Variants in SNX29 observed in about 807,000 individuals in gnomAD.
SNX29 encodes sorting nexin 29.
In SNX29, 78 loss-of-function variants were observed where a neutral mutation model predicts 102.1. That is an observed-to-expected ratio of 0.76 (90% CI 0.64 to 0.92). The LOEUF (loss-of-function observed/expected upper bound fraction) is 0.92, where lower values mean the gene tolerates loss of function less well. SNX29 is among the 40% of genes least tolerant of loss of function. The probability of loss-of-function intolerance (pLI) is 0.00; values close to 1 mark genes in which losing one functional copy is unlikely to be tolerated. For synonymous variants in SNX29, 580 were observed against 414.5 expected (o/e 1.40, Z -4.85); for missense variants, 1,280 against 1,061.7 (o/e 1.21, Z -2.86).
intron 18 of SNX29, among the ~76,000 whole-genome samples, chr16:12,447,520 C>T (rs896907771): frequency 9.9e-5 from 15 of 152,150 alleles, no homozygotes; most frequent in South Asian, 6.2e-4. Flanking sequence ...AGAAACCACC[C>T]GGACAGAGCC....
At chr16:12,552,763 A>G (rs369659354) in intron 20 of SNX29, among the ~76,000 whole-genome samples, 11 of 152,352 alleles carry the variant, frequency 7.2e-5, no homozygotes, top group African/African-American at 2.6e-4. Context: ...GATTTAAGGT[A>G]TGAATTCATC....
intron 14 of SNX29, among the ~76,000 whole-genome samples, chr16:12,243,857 G>A (rs2078183930): frequency 6.6e-6 from 1 of 152,182 alleles, no homozygotes; most frequent in Admixed American, 6.5e-5. Flanking sequence ...GGTAATAACT[G>A]TTAAAACTTT....
chr16:12,081,131 A>T (rs767231073), intron 11 of SNX29: 4 of 152,238 alleles, frequency 2.6e-5, no homozygotes, highest in African/African-American at 9.6e-5. Flanking sequence ...GAAGGAAACT[A>T]TTACTAAGTG....
At chr16:11,999,857 C>T (rs187636581) in intron 2 of SNX29, among the ~76,000 whole-genome samples, 31 of 151,524 alleles carry the variant, frequency 2.0e-4, no homozygotes, top group Admixed American at 1.3e-3. Flanking sequence ...GCTGAGATTG[C>T]GCCACTGCAC....
chr16:12,254,641 T>C (rs1233776574), intron 14 of SNX29, among the ~76,000 whole-genome samples: 3 of 147,552 alleles, frequency 2.0e-5, no homozygotes, highest in African/African-American at 7.5e-5. Flanking sequence ...AGAGACTCCA[T>C]CTCCAAAAAA....
intron 14 of SNX29, among the ~76,000 whole-genome samples, chr16:12,270,001 C>T (rs1006829617): frequency 1.3e-5 from 2 of 152,030 alleles, no homozygotes; most frequent in Non-Finnish European, 2.9e-5. Flanking sequence ...GCTGGGACTG[C>T]AGGCACGCAC....
intron 7 of SNX29, among the ~76,000 whole-genome samples, chr16:12,049,214 C>T (rs139086464): frequency 3.4e-3 from 525 of 152,178 alleles, no homozygotes; most frequent in Non-Finnish European, 4.0e-3. Context: ...TCAGGCCGGT[C>T]GTGGTGGCTC....
At chr16:12,384,818 A>G (rs186128988) in intron 16 of SNX29, among the ~76,000 whole-genome samples, 8 of 152,340 alleles carry the variant, frequency 5.3e-5, no homozygotes, top group Admixed American at 6.5e-5. Flanking sequence ...CTGGGGCAGT[A>G]GGAAATAAAC....
At chr16:12,268,190 G>A (rs2078988261) in intron 14 of SNX29, among the ~76,000 whole-genome samples, 1 of 152,120 alleles carries the variant, frequency 6.6e-6, no homozygotes, top group Admixed American at 6.6e-5. Context: ...CCTTCCTCTG[G>A]CCTGGCATAT....
At chr16:12,343,449 C>T (rs1459049634) in intron 15 of SNX29, among the ~76,000 whole-genome samples, 1 of 152,218 alleles carries the variant, frequency 6.6e-6, no homozygotes, top group African/African-American at 2.4e-5. Flanking sequence ...GTTTAAAATC[C>T]TGCTCGATAC....
At chr16:12,397,635 A>G (rs893471772) in intron 16 of SNX29, among the ~76,000 whole-genome samples, 3 of 152,206 alleles carry the variant, frequency 2.0e-5, no homozygotes, top group African/African-American at 7.2e-5. Flanking sequence ...TAGCAGATCA[A>G]AAAAAGAAGC....
intron 16 of SNX29, among the ~76,000 whole-genome samples, chr16:12,384,362 C>G (rs1263639712): frequency 6.6e-6 from 1 of 152,204 alleles, no homozygotes; most frequent in South Asian, 2.1e-4. Flanking sequence ...TCCCTTTTCT[C>G]CATATCCTCG....
intron 20 of SNX29, among the ~76,000 whole-genome samples, chr16:12,551,141 C>T (rs1051398065): frequency 2.0e-5 from 3 of 152,114 alleles, no homozygotes; most frequent in African/African-American, 4.8e-5. Context: ...CCACAGCTGC[C>T]AGGAGAATCT....
chr16:12,153,143 A>T (rs1243423660), intron 13 of SNX29, among the ~76,000 whole-genome samples: 2 of 152,210 alleles, frequency 1.3e-5, no homozygotes, highest in African/African-American at 4.8e-5. Flanking sequence ...CATGCCTATA[A>T]TCCCATTGCT....
chr16:12,513,857 ATTTG>A (rs1408763654), intron 19 of SNX29, among the ~76,000 whole-genome samples: 1 of 152,204 alleles, frequency 6.6e-6, no homozygotes, highest in Non-Finnish European at 1.5e-5. Flanking sequence ...ATGCCCGACT[ATTTG>A]TTGCTCTCAG....
chr16:12,541,305 C>T (rs113869019), intron 20 of SNX29, among the ~76,000 whole-genome samples: 1 of 152,144 alleles, frequency 6.6e-6, no homozygotes, highest in Non-Finnish European at 1.5e-5. Flanking sequence ...TGGGGATGGT[C>T]AGCCCTGATG....
intron 13 of SNX29, among the ~76,000 whole-genome samples, chr16:12,153,773 C>T (rs990024071): frequency 1.3e-5 from 2 of 152,078 alleles, no homozygotes; most frequent in Non-Finnish European, 2.9e-5. Flanking sequence ...CCACTGTGCA[C>T]AGCCACTCCT....
In SNX29 at chr16:12,030,291, G is replaced by C. The variant is rs1427204801; in HGVS notation, c.247+2847G>C. ...TATTCTTAGTCATACCCGCAGCCCA[G>C]AGCACTTCCTTGAACTCTGTCTCAT... On this transcript the variant is annotated intron_variant, in intron 4 of 20. Transcript: ENST00000566228. Among the ~76,000 whole-genome samples the C allele has an allele frequency of 4.6e-5, 7 of 152,328 alleles. No individual in the cohort carries two copies. The East Asian group carries it at 9.6e-4, about 21-fold the overall frequency.
chr16:12,266,408 C>T (rs1567375663), intron 14 of SNX29, among the ~76,000 whole-genome samples: 2 of 152,274 alleles, frequency 1.3e-5, no homozygotes, highest in East Asian at 1.9e-4. Context: ...TTGCGGATTT[C>T]AGTTGCAAGT....
Sources: gnomAD v4.1 joint callset for allele counts (sites outside exome capture counted in the v4.1 genomes callset) on GRCh38, gnomAD v4.1.1 for gene constraint, MANE v1.5 for transcripts, NCBI Gene and HGNC (gene_info 2026-07-23, HGNC 2026-07-21) for gene names.